NEK9: variants seen among roughly 807,000 people sequenced by gnomAD.
The protein encoded by NEK9 is serine/threonine-protein kinase Nek9.
A neutral mutation model predicts 123.4 loss-of-function variants in NEK9; 75 were observed. The ratio of observed to expected loss-of-function variants is 0.61; its 90% CI spans 0.50 to 0.74. The LOEUF (loss-of-function observed/expected upper bound fraction) is 0.74, where lower values mean the gene tolerates loss of function less well. Ranked by LOEUF, NEK9 falls within the 30% of genes least tolerant of loss-of-function variation. The probability of loss-of-function intolerance (pLI) is 0.00; values close to 1 mark genes in which losing one functional copy is unlikely to be tolerated. For synonymous variants in NEK9, 438 were observed against 458.7 expected, an observed-to-expected ratio of 0.95 and a Z score of 0.58; for missense variants, 952 against 1,214.4, an observed-to-expected ratio of 0.78 and a Z score of 3.21.
intron 14 of NEK9, 136 bp downstream of exon 14, chr14:75,103,705 CT>C: frequency 3.2e-6 from 3 of 934,962 alleles, no homozygotes; most frequent in South Asian, 1.9e-5. Flanking sequence ...TGGCTGGCTT[CT>C]TTTTCTGCAC....
intron 12 of NEK9, chr14:75,106,213 G>A: frequency 1.7e-6 from 1 of 593,946 alleles, no homozygotes; most frequent in South Asian, 2.0e-5. Flanking sequence ...CAAAAAATTA[G>A]CTGGGTGTGA....
chr14:75,101,602 A>T, intron 15 of NEK9, 55 bp downstream of exon 15: 1 of 1,205,840 alleles, frequency 8.3e-7, no homozygotes, highest in Non-Finnish European at 1.2e-6. Context: ...AATACCTGAT[A>T]GAATAAAAGA....
In NEK9 at chr14:75,124,164, A is replaced by G. The variant is rs1478398531; in HGVS notation, c.279T>C (p.Arg93=). 1 of 1,613,996 alleles carries G rather than the reference A, an allele frequency of 6.2e-7. No individual in the cohort carries two copies. The highest frequency in any genetic ancestry group is 1.3e-5 in the African/African-American group (1 of 74,916). The part of the protein sequence containing the change: ...VDLTRLSEKE[R]RDALNEIVIL... Reference sequence around the variant, plus strand: ...TAACAATCTCATTCAAGGCATCACGACGTTCCTTCTCAGACAGCCGGGTCA... The same window carrying G: ...TAACAATCTCATTCAAGGCATCACGGCGTTCCTTCTCAGACAGCCGGGTCA... The change falls in exon 2 of 22, where the codon CGT becomes CGC. Residue 93 remains arginine (R), a synonymous_variant. Transcript: ENST00000238616.
intron 13 of NEK9, among the ~76,000 whole-genome samples, 174 bp from the exon 14 acceptor site, chr14:75,104,171 T>C (rs1232658992): frequency 6.6e-6 from 1 of 151,422 alleles, no homozygotes; most frequent in African/African-American, 2.4e-5. Flanking sequence ...CTTTTTCTTT[T>C]TTTTTTTTTT....
At chr14:75,123,660 T>A (rs747668444) in intron 2 of NEK9, among the ~76,000 whole-genome samples, 2 of 152,184 alleles carry the variant, frequency 1.3e-5, no homozygotes, top group Non-Finnish European at 1.5e-5. Flanking sequence ...ATAGGATAGC[T>A]TTAGCTGAAG....
At position 75,123,654 on chromosome 14, in the gene NEK9, G is replaced by A. The variant is rs557062165; in HGVS notation, c.397+392C>T. On this transcript the variant is annotated intron_variant, in intron 2 of 21. Coordinates refer to ENST00000238616, the MANE Select transcript of NEK9 (RefSeq NM_033116.6). ...TGATCTTTGGACCACTTTTCAATAG[G>A]ATAGCTTTAGCTGAAGACAATATAA... Among the ~76,000 whole-genome samples the A allele has an allele frequency of 2.0e-5, 3 of 152,184 alleles. No individual in the cohort carries two copies. The South Asian group carries it at 6.2e-4, about 32-fold the overall frequency.
chr14:75,089,001 G>T (rs1294961451), intron 19 of NEK9, among the ~76,000 whole-genome samples: 1 of 152,198 alleles, frequency 6.6e-6, no homozygotes, highest in Non-Finnish European at 1.5e-5. Flanking sequence ...ACAGCATGCT[G>T]CTTCCTCTGT....
At chr14:75,115,111 G>GCACA (rs1246829995) in intron 6 of NEK9, among the ~76,000 whole-genome samples, 1 of 15,480 alleles carries the variant, frequency 6.5e-5, no homozygotes, top group Non-Finnish European at 1.8e-4. Context: ...ACACGTGTGT[G>GCACA]CGTACACACA....
chr14:75,085,260 G>A (rs896614363), intron 21 of NEK9, among the ~76,000 whole-genome samples: 6 of 152,106 alleles, frequency 3.9e-5, no homozygotes, highest in African/African-American at 9.7e-5. Flanking sequence ...CAAAGTGCTG[G>A]GATTACAGGT....
At chr14:75,085,126 C>A in intron 21 of NEK9, 1 of 161,532 alleles carries the variant, frequency 6.2e-6, no homozygotes, top group Non-Finnish European at 1.4e-5. Flanking sequence ...CCCACCTCAG[C>A]CTCCTGAATA....
chr14:75,114,257 G>C lies in NEK9; in HGVS notation c.819C>G (p.Asp273Glu). 3 of 1,614,114 alleles carry C rather than the reference G, an allele frequency of 1.9e-6. No homozygotes were observed. Among genetic ancestry groups the C allele is most frequent in the Non-Finnish European group, 2.5e-6 (3 of 1,179,998 alleles). The change falls in exon 7 of 22, where the codon GAC (aspartate) becomes GAG (glutamate). Residue 273 changes from aspartate to glutamate, a missense_variant. Asp to Glu is a conservative substitution (Grantham distance 45). This residue lies in a region of NEK9 where 698 missense variants were observed against 875.6 expected (regional missense o/e 0.80). Transcript: ENST00000238616. ...TCAATTCCAAAGAGTACTGGCTAGA[G>C]TCAACTTCCATGGCCCGAATTCCTT... ...IVQGIRAMEV[D>E]SSQYSLELIQ...
chr14:75,120,646 C>A (rs1895298844), intron 3 of NEK9, 66 bp from the exon 4 acceptor site: 2 of 1,163,078 alleles, frequency 1.7e-6, no homozygotes, highest in Middle Eastern at 2.0e-4. Flanking sequence ...TACACACACA[C>A]ATAAACAAAC....
intron 16 of NEK9, 90 bp downstream of exon 16, chr14:75,100,902 T>C: frequency 6.2e-6 from 8 of 1,287,860 alleles, no homozygotes; most frequent in Non-Finnish European, 8.6e-6. Flanking sequence ...ACAATTCAGC[T>C]ATACAAATAA....
rs3825704 is a variant in NEK9 at position 75,117,121 on chromosome 14, G to C, written c.762+74C>G. On this transcript the variant is annotated intron_variant, in intron 6 of 21. Transcript: ENST00000238616. Reference sequence around the variant, plus strand: ...GCCAGAAATCAGAAGCCTGGGAATAGAGTTGATCTGCTTAGTCAAGCTGTA... The same window carrying C: ...GCCAGAAATCAGAAGCCTGGGAATACAGTTGATCTGCTTAGTCAAGCTGTA... 1.9e-5 allele frequency: 28 copies of C among 1,487,886 alleles called. No individual in the cohort carries two copies. The East Asian group carries it at 6.3e-4, about 34-fold the overall frequency. The allele number at this position is 1,487,886 out of a possible 1,614,324, so 92.2% of individuals were successfully genotyped here.
chr14:75,088,483 G>C lies in NEK9; in HGVS notation c.2601C>G (p.Ala867=). Residue 867 remains alanine, a synonymous_variant, in exon 20 of 22, where the codon GCC becomes GCG. Transcript: ENST00000238616. ...CAAAGGCAAAAAGCTCAGTTACCGA[G>C]GCTTCTACTTGGGGTTTGTGTTCCA... ...APLEHKPQVE[A]SSPRLNPAVT... The C allele has an allele frequency of 6.2e-7, 1 of 1,613,400 alleles. No homozygotes were observed. The highest frequency in any genetic ancestry group is 8.5e-7 in the Non-Finnish European group (1 of 1,179,696).
At chr14:75,092,587 G>A (rs1181006468) in intron 18 of NEK9, among the ~76,000 whole-genome samples, 1 of 152,150 alleles carries the variant, frequency 6.6e-6, no homozygotes, top group Non-Finnish European at 1.5e-5. Context: ...AATTTAATGT[G>A]AATATTACAT....
chr14:75,102,763 C>T (rs1343484188), intron 14 of NEK9, among the ~76,000 whole-genome samples: 4 of 152,174 alleles, frequency 2.6e-5, no homozygotes, highest in Non-Finnish European at 5.9e-5. Flanking sequence ...TTAATTCTTA[C>T]CTTTTTCATT....
intron 14 of NEK9, among the ~76,000 whole-genome samples, chr14:75,103,292 C>G (rs1894653421): frequency 6.6e-6 from 1 of 151,610 alleles, no homozygotes; most frequent in South Asian, 2.1e-4. Flanking sequence ...TAAACAGGAT[C>G]AGTGATTTGG....
At chr14:75,108,544 T>A (rs202087030) in intron 10 of NEK9, among the ~76,000 whole-genome samples, 7 of 140,922 alleles carry the variant, frequency 5.0e-5, no homozygotes, top group East Asian at 2.2e-4. Flanking sequence ...TGTGTGTGTG[T>A]GACAGTATAT....
Sources: gnomAD v4.1 joint callset for allele counts (sites outside exome capture counted in the v4.1 genomes callset) on GRCh38, gnomAD v4.1.1 for gene constraint, gnomAD v4.1.1 regional missense constraint, MANE v1.5 for transcripts, NCBI Gene and HGNC (gene_info 2026-07-23, HGNC 2026-07-21) for gene names.